Variants in EYS observed in about 807,000 individuals in gnomAD.
EYS encodes protein eyes shut homolog.
In EYS, 250 loss-of-function variants were observed where a neutral mutation model predicts 282.1. The observed-to-expected ratio is 0.89, with a 90% CI of 0.80 to 0.98. The LOEUF (loss-of-function observed/expected upper bound fraction) is 0.98, where lower values mean the gene tolerates loss of function less well. Among genes scored for constraint, EYS ranks in the 50% least tolerant of loss-of-function variants. The probability of loss-of-function intolerance (pLI) is 0.00; values close to 1 mark genes in which losing one functional copy is unlikely to be tolerated. For synonymous variants in EYS, 1,355 were observed against 1,282.9 expected (o/e 1.06, Z -1.20); for missense variants, 4,016 against 3,709.0 (o/e 1.08, Z -2.15).
intron 13 of EYS, among the ~76,000 whole-genome samples, chr6:65,053,176 A>G (rs552789398): frequency 6.6e-6 from 1 of 151,742 alleles, no homozygotes; most frequent in Admixed American, 6.6e-5. Context: ...TTTTTCCAGT[A>G]TGTGCTTTAA....
chr6:64,012,105 T>C (rs1209526100), intron 33 of EYS, among the ~76,000 whole-genome samples: 1 of 151,718 alleles, frequency 6.6e-6, no homozygotes, highest in African/African-American at 2.4e-5. Context: ...TAAAAATGAA[T>C]GCAAAAATGT....
chr6:63,888,842 T>C (rs1773335120), intron 35 of EYS, among the ~76,000 whole-genome samples: 1 of 152,292 alleles, frequency 6.6e-6, no homozygotes, highest in African/African-American at 2.4e-5. Context: ...CAAACTCCTC[T>C]GAGCTAAAGG....
At chr6:63,959,875 G>A (rs954827604) in intron 35 of EYS, among the ~76,000 whole-genome samples, 1 of 152,128 alleles carries the variant, frequency 6.6e-6, no homozygotes, top group Admixed American at 6.5e-5. Flanking sequence ...GGGGGTAAGG[G>A]AAGGGAAAGC....
chr6:63,880,487 G>GTATCTATC (rs56891791), intron 35 of EYS, among the ~76,000 whole-genome samples: 27,209 of 142,556 alleles, frequency 0.19, 2,712 homozygotes, highest in East Asian at 0.21. Context: ...CTGTCTGTCT[G>GTATCTATC]TATCTATCTA....
At chr6:65,358,200 A>T (rs539291152) in intron 8 of EYS, among the ~76,000 whole-genome samples, 1 of 152,096 alleles carries the variant, frequency 6.6e-6, no homozygotes, top group African/African-American at 2.4e-5. Flanking sequence ...AAATAATCCC[A>T]TTTTAAATAC....
intron 2 of EYS, among the ~76,000 whole-genome samples, chr6:65,522,018 T>A (rs758358452): frequency 6.6e-6 from 1 of 152,208 alleles, no homozygotes; most frequent in Non-Finnish European, 1.5e-5. Context: ...CCTGTGGGTC[T>A]CTTCTTACAA....
chr6:64,304,878 A>AG (rs1769378748), intron 30 of EYS, among the ~76,000 whole-genome samples: 1 of 152,312 alleles, frequency 6.6e-6, no homozygotes, highest in Admixed American at 6.5e-5. Context: ...AGCAGTGGTA[A>AG]GGGGGAAATT....
chr6:65,495,120 T>C lies in EYS; in HGVS notation c.291A>G (p.Gln97=). 6.2e-7 allele frequency: 1 copy of C among 1,614,176 alleles called. No homozygotes were observed. The highest frequency in any genetic ancestry group is 1.3e-5 in the African/African-American group (1 of 75,058). The part of the protein sequence containing the change: ...ILVISSEPSL[Q]FPEINLMNVS... ...CATTCATCAAATTTATTTCTGGAAA[T>C]TGAAGAGATGGTTCAGAAGAAATTA... Residue 97 remains glutamine (Q), a synonymous_variant, in exon 4 of 43, where the codon CAA becomes CAG. Transcript: ENST00000503581.
At chr6:65,336,048 C>A (rs1769976411) in intron 10 of EYS, among the ~76,000 whole-genome samples, 1 of 151,688 alleles carries the variant, frequency 6.6e-6, no homozygotes, top group Admixed American at 6.6e-5. Context: ...ACCATGCTTG[C>A]TTCCCCTTCA....
chr6:64,734,084 C>T (rs1355666617), intron 22 of EYS, among the ~76,000 whole-genome samples: 1 of 151,076 alleles, frequency 6.6e-6, no homozygotes, highest in Non-Finnish European at 1.5e-5. Flanking sequence ...GGTGCTTACC[C>T]AATCACGAAT....
intron 26 of EYS, among the ~76,000 whole-genome samples, chr6:64,471,792 A>C (rs1171793974): frequency 6.6e-6 from 1 of 152,196 alleles, no homozygotes; most frequent in Non-Finnish European, 1.5e-5. Flanking sequence ...ATTGAGCAAA[A>C]AGAACAAAGC....
At chr6:65,382,221 T>G (rs925818453) in intron 8 of EYS, among the ~76,000 whole-genome samples, 1 of 150,912 alleles carries the variant, frequency 6.6e-6, no homozygotes, top group Admixed American at 6.6e-5. Flanking sequence ...GTGTTTTTTT[T>G]TTTTTTTTTT....
intron 26 of EYS, among the ~76,000 whole-genome samples, chr6:64,518,786 C>CCCA (rs201101605): frequency 8.0e-5 from 12 of 150,628 alleles, no homozygotes; most frequent in Admixed American, 4.0e-4. Flanking sequence ...AGGGGCCCCC[C>CCCA]CCTTCTCAGG....
At chr6:64,487,992 G>A (rs573985345) in intron 26 of EYS, among the ~76,000 whole-genome samples, 8 of 151,016 alleles carry the variant, frequency 5.3e-5, no homozygotes, top group African/African-American at 1.9e-4. Context: ...CAAACCACTG[G>A]ATGGCAACAT....
chr6:65,156,747 C>T (rs1197706999), intron 12 of EYS, among the ~76,000 whole-genome samples: 1 of 151,012 alleles, frequency 6.6e-6, no homozygotes, highest in Non-Finnish European at 1.5e-5. Context: ...GGTACTTAAA[C>T]TTAGTCACAC....
intron 14 of EYS, among the ~76,000 whole-genome samples, chr6:64,982,881 T>C (rs1240097623): frequency 2.0e-5 from 3 of 151,208 alleles, no homozygotes; most frequent in Admixed American, 1.3e-4. Flanking sequence ...TATTTTTGTA[T>C]ATGATTTGTA....
At chr6:65,642,110 A>G (rs1420605701) in intron 1 of EYS, among the ~76,000 whole-genome samples, 2 of 152,166 alleles carry the variant, frequency 1.3e-5, no homozygotes, top group African/African-American at 4.8e-5. Flanking sequence ...AGTATCTGAG[A>G]GGTACTCAAT....
intron 19 of EYS, among the ~76,000 whole-genome samples, chr6:64,836,296 T>TCA (rs1554208795): frequency 2.0e-5 from 3 of 149,694 alleles, no homozygotes; most frequent in African/African-American, 7.3e-5. Flanking sequence ...ATGATTTATT[T>TCA]TATATATATA....
chr6:64,547,092 G>C (rs146133986), intron 26 of EYS, among the ~76,000 whole-genome samples: 7,776 of 152,182 alleles, frequency 0.051, 451 homozygotes, highest in African/African-American at 0.13. Flanking sequence ...TGGTCTTGCT[G>C]GCTCAGGAGT....
Sources: gnomAD v4.1 joint callset for allele counts (sites outside exome capture counted in the v4.1 genomes callset) on GRCh38, gnomAD v4.1.1 for gene constraint, MANE v1.5 for transcripts, NCBI Gene and HGNC (gene_info 2026-07-23, HGNC 2026-07-21) for gene names.